ELF1: variants seen among roughly 807,000 people sequenced by gnomAD.
ELF1 encodes the protein ETS-related transcription factor Elf-1.
In ELF1, 24 loss-of-function variants were observed where a neutral mutation model predicts 59.9. The observed-to-expected ratio is 0.40, with a 90% CI of 0.29 to 0.56. The LOEUF (loss-of-function observed/expected upper bound fraction) is 0.56. Ranked by LOEUF, ELF1 falls within the 20% of genes least tolerant of loss-of-function variation. ELF1 has a pLI of 0.44. For synonymous variants in ELF1, 248 were observed against 266.2 expected (o/e 0.93, Z 0.67); for missense variants, 627 against 742.2 (o/e 0.84, Z 1.80).
chr13:40,953,087 C>T (rs578093285), intron 3 of ELF1, among the ~76,000 whole-genome samples: 234 of 151,916 alleles, frequency 1.5e-3, no homozygotes, highest in African/African-American at 5.4e-3. Flanking sequence ...AGCGATTCTC[C>T]TGCCTCAGCC....
chr13:40,946,650 C>CCAAA (rs1870529316), intron 5 of ELF1, among the ~76,000 whole-genome samples: 2 of 152,132 alleles, frequency 1.3e-5, no homozygotes, highest in Non-Finnish European at 2.9e-5. Context: ...GACAGCAAGA[C>CCAAA]CAAACCCTTT....
At chr13:41,048,088 A>G (rs1012967220) in intron 1 of ELF1, among the ~76,000 whole-genome samples, 1 of 152,222 alleles carries the variant, frequency 6.6e-6, no homozygotes, top group Non-Finnish European at 1.5e-5. Flanking sequence ...GGTACAGGAT[A>G]TAATCTCCTG....
intron 3 of ELF1, among the ~76,000 whole-genome samples, chr13:40,955,447 G>C (rs1871235595): frequency 1.5e-5 from 2 of 134,718 alleles, no homozygotes; most frequent in South Asian, 2.5e-4. Flanking sequence ...CGCCCGGCCA[G>C]CCGCCCCGTC....
Position 40,933,692 on chromosome 13 carries a change from A to T in ELF1, c.1593T>A (p.Thr531=), listed in dbSNP as rs1384228531. 6.2e-7 allele frequency: 1 copy of T among 1,614,184 alleles called. No homozygotes were observed. Among genetic ancestry groups the T allele is most frequent in the South Asian group, 1.1e-5 (1 of 91,094 alleles). Reference sequence around the variant, plus strand: ...GAGGAGAAAAGGTCACCACAGGTGCAGTAGCACTGAAGGATGGAGAGGAAG... The same window carrying T: ...GAGGAGAAAAGGTCACCACAGGTGCTGTAGCACTGAAGGATGGAGAGGAAG... ...SVASSPSFSA[T]APVVTFSPRS... Residue 531 remains threonine, a synonymous_variant, in exon 9 of 9, where the codon ACT becomes ACA. Transcript: ENST00000239882.
intron 2 of ELF1, among the ~76,000 whole-genome samples, chr13:40,974,381 G>C (rs1283851327): frequency 1.3e-5 from 2 of 152,102 alleles, no homozygotes; most frequent in Admixed American, 1.3e-4. Context: ...TATTCAATTA[G>C]TGGTTAAAGG....
chr13:41,035,746 A>T (rs1306531352), intron 1 of ELF1, among the ~76,000 whole-genome samples: 7 of 151,492 alleles, frequency 4.6e-5, no homozygotes, highest in Non-Finnish European at 1.5e-5. Context: ...AAAAAAAGGA[A>T]AACTCCCAAA....
chr13:41,010,313 C>A (rs114457980), intron 1 of ELF1, among the ~76,000 whole-genome samples: 2 of 149,482 alleles, frequency 1.3e-5, no homozygotes. Flanking sequence ...GAAATTTGCA[C>A]GTCATAGTGG....
At chr13:40,986,937 C>CTCTTTTTTTTTT (rs552477115) in intron 1 of ELF1, among the ~76,000 whole-genome samples, 1 of 126,880 alleles carries the variant, frequency 7.9e-6, no homozygotes, top group African/African-American at 3.1e-5. Context: ...AATCATTGCT[C>CTCTTTTTTTTTT]TTTTTTTTTT....
chr13:40,946,067 G>A (rs1314454963), intron 5 of ELF1, among the ~76,000 whole-genome samples: 1 of 151,982 alleles, frequency 6.6e-6, no homozygotes, highest in Non-Finnish European at 1.5e-5. Flanking sequence ...TCGAATTTCC[G>A]ACCTCAGGAT....
chr13:40,979,898 G>A (rs1479122140), intron 2 of ELF1, among the ~76,000 whole-genome samples: 1 of 152,036 alleles, frequency 6.6e-6, no homozygotes, highest in African/African-American at 2.4e-5. Context: ...CTTTTTATTA[G>A]GTGACTTCTT....
intron 1 of ELF1, among the ~76,000 whole-genome samples, chr13:41,014,195 G>A (rs1214217569): frequency 6.6e-6 from 1 of 152,112 alleles, no homozygotes; most frequent in Admixed American, 6.5e-5. Flanking sequence ...AAGGGGCAGA[G>A]GAGGCAGGCT....
At chr13:40,997,228 C>G (rs971637311) in intron 1 of ELF1, among the ~76,000 whole-genome samples, 2 of 152,082 alleles carry the variant, frequency 1.3e-5, no homozygotes, top group Non-Finnish European at 2.9e-5. Flanking sequence ...TTTTCACAGT[C>G]TACCTCTTTT....
At chr13:41,035,296 T>C (rs1166129450) in intron 1 of ELF1, among the ~76,000 whole-genome samples, 1 of 152,234 alleles carries the variant, frequency 6.6e-6, no homozygotes, top group African/African-American at 2.4e-5. Context: ...ACACGCCTCA[T>C]TGGTCATTTA....
chr13:41,002,791 T>C (rs997325668), intron 1 of ELF1, among the ~76,000 whole-genome samples: 2 of 152,028 alleles, frequency 1.3e-5, no homozygotes, highest in Non-Finnish European at 2.9e-5. Context: ...CAAATGCAAA[T>C]CATAGTAATA....
Position 40,941,282 on chromosome 13 carries a change from T to C in ELF1, c.895A>G (p.Ile299Val), listed in dbSNP as rs202087877. Reference sequence around the variant, plus strand: ...CTGGAACTTGGATCCTCATCATTTATATATATAAGATCTTTTGGCATTTCT... The same window carrying C: ...CTGGAACTTGGATCCTCATCATTTACATATATAAGATCTTTTGGCATTTCT... ...FKEMPKDLIYINDEDPSSSIE... is the reference protein window; with the variant it reads ...FKEMPKDLIYVNDEDPSSSIE... Residue 299 changes from isoleucine (I) to valine (V), a missense_variant, in exon 8 of 9, where the codon ATA (isoleucine) becomes GTA (valine). This residue lies in a region of ELF1 where 361 missense variants were observed against 396.1 expected (regional missense o/e 0.91). Coordinates refer to ENST00000239882, the MANE Select transcript of ELF1 (RefSeq NM_172373.4). 149 of 1,614,166 alleles carry C rather than the reference T, an allele frequency of 9.2e-5. 1 individual carries two copies. The East Asian group carries it at 2.9e-3, about 31-fold the overall frequency.
intron 1 of ELF1, among the ~76,000 whole-genome samples, chr13:41,052,433 A>G (rs1037751731): frequency 1.3e-5 from 2 of 152,200 alleles, no homozygotes; most frequent in Non-Finnish European, 2.9e-5. Context: ...GTCATTTACA[A>G]TTTTAAAAAG....
intron 1 of ELF1, among the ~76,000 whole-genome samples, chr13:41,034,209 G>C (rs376980568): frequency 9.2e-5 from 14 of 152,242 alleles, no homozygotes; most frequent in South Asian, 2.1e-4. Context: ...AAGAGATTTG[G>C]GGGGATGAGA....
At chr13:41,060,895 G>C in exon 1 of ELF1, 1 of 340,814 alleles carries the variant, frequency 2.9e-6, no homozygotes, top group South Asian at 2.1e-5. Context: ...CGCCGCCTCT[G>C]CGCTACTGAA....
chr13:40,940,386 G>GAAAAAAAAAAA (rs375400990), intron 8 of ELF1, among the ~76,000 whole-genome samples: 8 of 109,870 alleles, frequency 7.3e-5, no homozygotes, highest in East Asian at 1.0e-3. Flanking sequence ...TGATTTAACT[G>GAAAAAAAAAAA]AAAAAAAAAA....
Sources: gnomAD v4.1 joint callset for allele counts (sites outside exome capture counted in the v4.1 genomes callset) on GRCh38, gnomAD v4.1.1 for gene constraint, gnomAD v4.1.1 regional missense constraint, MANE v1.5 for transcripts, NCBI Gene and HGNC (gene_info 2026-07-23, HGNC 2026-07-21) for gene names.